IMPG2: variants seen among roughly 807,000 people sequenced by gnomAD.
IMPG2 encodes the protein IPM 200.
Under a neutral mutation model 129.2 loss-of-function variants are expected in IMPG2, and 91 were observed. That is an observed-to-expected ratio of 0.70 (90% CI 0.59 to 0.84). The LOEUF is 0.84. Among genes scored for constraint, IMPG2 ranks in the 40% least tolerant of loss-of-function variants. IMPG2 has a pLI of 0.00. For missense variants in IMPG2, 1,430 were observed against 1,461.7 expected, an observed-to-expected ratio of 0.98 and a Z score of 0.35; for synonymous variants, 510 against 517.7, an observed-to-expected ratio of 0.99 and a Z score of 0.20.
intron 2 of IMPG2, among the ~76,000 whole-genome samples, chr3:101,311,680 T>G (rs1028147078): frequency 6.6e-6 from 1 of 152,210 alleles, no homozygotes; most frequent in South Asian, 2.1e-4. Context: ...TCAGAATACA[T>G]GCTGACTTCT....
chr3:101,228,912 A>T, intron 17 of IMPG2, 36 bp from the exon 18 acceptor site: 1 of 1,495,852 alleles, frequency 6.7e-7, no homozygotes. Flanking sequence ...CACACATTGC[A>T]TTAGAAAAAC....
chr3:101,226,222 A>G lies in IMPG2; in HGVS notation c.*747T>C, dbSNP rs1292615017. On this transcript the variant is annotated 3_prime_UTR_variant, in exon 19 of 19. Transcript: ENST00000193391. The stretch of plus-strand genomic sequence containing the variant: ...CTTTAGATTAATGGGAATCTTCTAA[A>G]CTTTATATATATATATATATATATA... 3.2e-5 allele frequency: 2 copies of G among 63,346 alleles called. No individual in the cohort carries two copies. The highest frequency in any genetic ancestry group is 6.6e-5 in the Non-Finnish European group (2 of 30,496). The allele number at this position is 63,346 out of a possible 1,614,324, so 3.9% of individuals were successfully genotyped here.
chr3:101,295,744 AGT>A (rs1707073254), intron 3 of IMPG2, among the ~76,000 whole-genome samples: 1 of 151,990 alleles, frequency 6.6e-6, no homozygotes, highest in Non-Finnish European at 1.5e-5. Flanking sequence ...TTGAACAGTG[AGT>A]GGTTTGTAGT....
At chr3:101,298,385 A>G (rs184573361) in intron 3 of IMPG2, among the ~76,000 whole-genome samples, 258 of 152,304 alleles carry the variant, frequency 1.7e-3, no homozygotes, top group African/African-American at 5.7e-3. Context: ...TAGGGCATTT[A>G]GCCCATTTAC....
chr3:101,309,270 G>A (rs1270722899), intron 2 of IMPG2, among the ~76,000 whole-genome samples: 3 of 152,120 alleles, frequency 2.0e-5, no homozygotes, highest in Non-Finnish European at 2.9e-5. Context: ...TTACAGCAAT[G>A]CCCTACTCCT....
chr3:101,234,176 G>A (rs1350635044), intron 14 of IMPG2, among the ~76,000 whole-genome samples: 1 of 149,496 alleles, frequency 6.7e-6, no homozygotes, highest in East Asian at 2.0e-4. Flanking sequence ...GAGGCCATAC[G>A]AGATTAGAAT....
chr3:101,304,239 G>A lies in IMPG2; in HGVS notation c.408C>T (p.Tyr136=), dbSNP rs1316276636. 6.2e-7 allele frequency: 1 copy of A among 1,613,754 alleles called. No individual in the cohort carries two copies. Among genetic ancestry groups the A allele is most frequent in the Non-Finnish European group, 8.5e-7 (1 of 1,179,766 alleles). ...DRLPGREEYH[Y]WMNLCEDGVT... ...CTCCATCCTCACACAAATTCATCCA[G>A]TAATGATATTCCTCACGCCCAGGAA... Residue 136 remains tyrosine, a synonymous_variant, in exon 3 of 19, where the codon TAC becomes TAT. Coordinates refer to ENST00000193391, the MANE Select transcript of IMPG2 (RefSeq NM_016247.4).
chr3:101,233,240 T>C (rs919728947), intron 14 of IMPG2, among the ~76,000 whole-genome samples: 2 of 152,212 alleles, frequency 1.3e-5, no homozygotes, highest in Non-Finnish European at 2.9e-5. Context: ...AGCCTTAACA[T>C]ATTTTATCTA....
At chr3:101,288,825 T>C (rs1337834413) in intron 4 of IMPG2, among the ~76,000 whole-genome samples, 2 of 152,204 alleles carry the variant, frequency 1.3e-5, no homozygotes, top group Admixed American at 6.5e-5. Flanking sequence ...CTAAATTTTT[T>C]AAGTCATCCT....
chr3:101,276,683 A>G lies in IMPG2; in HGVS notation c.564T>C (p.Gly188=). ...SSELSSPVPV[G]DTSTLGDTTL... ...GTATACCTCCCAATGTTGAAGTATC[A>G]CCAACAGGAACTGGAGAAGACAGTT... The change falls in exon 5 of 19, where the codon GGT becomes GGC. Residue 188 remains glycine, a synonymous_variant. Transcript: ENST00000193391. 1.2e-6 allele frequency: 2 copies of G among 1,609,342 alleles called. No homozygotes were observed. Among genetic ancestry groups the G allele is most frequent in the Non-Finnish European group, 1.7e-6 (2 of 1,175,944 alleles).
intron 14 of IMPG2, among the ~76,000 whole-genome samples, chr3:101,241,383 A>C (rs148979107): frequency 7.7e-4 from 118 of 152,320 alleles, no homozygotes; most frequent in African/African-American, 2.6e-3. Flanking sequence ...TTAAGGCAAG[A>C]AGAAGGTTTT....
intron 4 of IMPG2, among the ~76,000 whole-genome samples, chr3:101,284,855 C>G (rs1326840416): frequency 1.3e-5 from 2 of 151,758 alleles, no homozygotes; most frequent in Non-Finnish European, 2.9e-5. Flanking sequence ...ATAATTTAAC[C>G]TTTTTTTTAA....
rs748632624 is a variant in IMPG2 at position 101,320,483 on chromosome 3, C to G, written c.-111G>C. 105 of 719,666 alleles carry G rather than the reference C, an allele frequency of 1.5e-4. No individual in the cohort carries two copies. Among genetic ancestry groups the G allele is most frequent in the Non-Finnish European group, 2.2e-4 (89 of 403,626 alleles). 44.6% of individuals were successfully genotyped at this position (719,666 alleles called of 1,614,324 possible). A position where few individuals can be genotyped will look rare whatever the true frequency, so the allele number is the denominator to read the frequency against. On this transcript the variant is annotated 5_prime_UTR_variant, in exon 1 of 19. Transcript: ENST00000193391. Reference sequence around the variant, plus strand: ...TAGGAAAGACCTAACATTTAAAAGTCTATGTTTGAGAATGAACAACCACTT... The same window carrying G: ...TAGGAAAGACCTAACATTTAAAAGTGTATGTTTGAGAATGAACAACCACTT...
At chr3:101,247,214 A>G (rs1446262263) in intron 11 of IMPG2, among the ~76,000 whole-genome samples, 1 of 152,244 alleles carries the variant, frequency 6.6e-6, no homozygotes, top group East Asian at 1.9e-4. Flanking sequence ...AGATAACTAC[A>G]ATCCACAGGG....
intron 3 of IMPG2, among the ~76,000 whole-genome samples, chr3:101,298,001 T>TA (rs1707098400): frequency 6.6e-6 from 1 of 152,234 alleles, no homozygotes; most frequent in Non-Finnish European, 1.5e-5. Context: ...AGTGGAGTGT[T>TA]AAAGTCTCTC....
At position 101,294,433 on chromosome 3, in the gene IMPG2, T is replaced by C. The variant is rs558887245; in HGVS notation, c.502-2923A>G. ...CAAAGGACATGCTCTCATTCCTTTTTATGGCTGCATAGTATTCCATGGTGT... is the reference window on the plus strand; with the variant it reads ...CAAAGGACATGCTCTCATTCCTTTTCATGGCTGCATAGTATTCCATGGTGT... On this transcript the variant is annotated intron_variant, in intron 3 of 18. Transcript: ENST00000193391. Among the ~76,000 whole-genome samples, 46 of 152,348 alleles carry C rather than the reference T, an allele frequency of 3.0e-4. No homozygotes were observed. In the South Asian group the frequency reaches 9.1e-3, roughly 30 times the overall value.
chr3:101,236,727 G>A (rs1706349927), intron 14 of IMPG2, among the ~76,000 whole-genome samples: 2 of 152,194 alleles, frequency 1.3e-5, no homozygotes, highest in African/African-American at 4.8e-5. Flanking sequence ...TCCCTTGGGT[G>A]CCTATACCAC....
intron 16 of IMPG2, among the ~76,000 whole-genome samples, chr3:101,229,908 A>G (rs1285226983): frequency 6.6e-6 from 1 of 152,234 alleles, no homozygotes; most frequent in Admixed American, 6.5e-5. Context: ...CTGTAGCTTC[A>G]TCATTCCCAG....
chr3:101,242,557 G>A, intron 14 of IMPG2, 131 bp downstream of exon 14: 1 of 723,784 alleles, frequency 1.4e-6, no homozygotes, highest in South Asian at 1.5e-5. Context: ...ACCAAGATGT[G>A]GAAGATTTGT....
Sources: gnomAD v4.1 joint callset for allele counts (sites outside exome capture counted in the v4.1 genomes callset) on GRCh38, gnomAD v4.1.1 for gene constraint, MANE v1.5 for transcripts, NCBI Gene and HGNC (gene_info 2026-07-23, HGNC 2026-07-21) for gene names.